PCDHA2: variants seen among roughly 807,000 people sequenced by gnomAD.
PCDHA2 encodes the protein protocadherin alpha-2.
PCDHA2 carries 58 observed loss-of-function variants against 66.0 expected under a neutral mutation model. That is an observed-to-expected ratio of 0.88 (90% CI 0.71 to 1.09). PCDHA2 has a LOEUF of 1.09. Among genes scored for constraint, PCDHA2 ranks in the 50% least tolerant of loss-of-function variants. PCDHA2 has a pLI of 0.00. For missense variants in PCDHA2, 1,267 were observed against 1,242.3 expected (o/e 1.02, Z -0.30); for synonymous variants, 634 against 554.0 (o/e 1.14, Z -2.03).
intron 3 of PCDHA2, among the ~76,000 whole-genome samples, chr5:140,992,354 A>C (rs996986066): frequency 1.3e-5 from 2 of 152,184 alleles, no homozygotes; most frequent in Non-Finnish European, 2.9e-5. Context: ...TGGAGAGAGG[A>C]GAAAAATGGT....
intron 1 of PCDHA2, chr5:140,856,276 A>C (rs1554148470): frequency 6.3e-7 from 1 of 1,598,372 alleles, no homozygotes; most frequent in Admixed American, 1.7e-5. Context: ...TTCTGGAGGT[A>C]AATCTGCAGA....
At chr5:140,936,043 C>A (rs1246569956) in intron 1 of PCDHA2, among the ~76,000 whole-genome samples, 1 of 152,038 alleles carries the variant, frequency 6.6e-6, no homozygotes, top group Non-Finnish European at 1.5e-5. Context: ...CAGGCACCCA[C>A]CACCACACCC....
chr5:140,803,060 G>T, intron 1 of PCDHA2: 21 of 1,613,978 alleles, frequency 1.3e-5, no homozygotes, highest in Non-Finnish European at 1.8e-5. Context: ...CGCGCATCCC[G>T]TTTCGCGTGG....
intron 3 of PCDHA2, among the ~76,000 whole-genome samples, chr5:141,005,079 T>TTAGTACTTTACA (rs1375552328): frequency 3.3e-5 from 5 of 152,356 alleles, no homozygotes; most frequent in Non-Finnish European, 7.3e-5. Flanking sequence ...AGGATCAAGC[T>TTAGTACTTTACA]TAGTACTTTA....
intron 1 of PCDHA2, chr5:140,834,773 T>G (rs1773277984): frequency 1.9e-6 from 3 of 1,613,730 alleles, no homozygotes; most frequent in African/African-American, 1.3e-5. Flanking sequence ...ACGACAACCC[T>G]CCGGTGTTCC....
At chr5:140,801,060 A>C in intron 1 of PCDHA2, 2 of 1,452,866 alleles carry the variant, frequency 1.4e-6, no homozygotes. Flanking sequence ...AGCGTGCATT[A>C]CGTATTCAGA....
chr5:140,875,261 G>A lies in PCDHA2; in HGVS notation c.2388+77909G>A. ...CTTACATAATCAGTCACATGATGTC[G>A]CTCTACACTCAGAAGGTGAAACAGG... On this transcript the variant is annotated intron_variant, in intron 1 of 3. Transcript: ENST00000526136. 4.4e-6 allele frequency: 5 copies of A among 1,130,464 alleles called. No individual in the cohort carries two copies. In the South Asian group the frequency reaches 7.4e-5, roughly 17 times the overall value. 70.0% of individuals were successfully genotyped at this position (1,130,464 alleles called of 1,614,324 possible).
intron 1 of PCDHA2, chr5:140,867,337 G>A (rs1299796408): frequency 6.6e-6 from 1 of 152,004 alleles, no homozygotes; most frequent in African/African-American, 2.4e-5. Flanking sequence ...GTTTTGATTA[G>A]AGGCTACTAT....
chr5:140,848,614 A>G (rs2150414883), intron 1 of PCDHA2: 3 of 1,593,564 alleles, frequency 1.9e-6, no homozygotes, highest in African/African-American at 1.3e-5. Flanking sequence ...GAGGAAGCCG[A>G]ACACGGCACC....
chr5:140,897,716 G>A (rs1554187531), intron 1 of PCDHA2, among the ~76,000 whole-genome samples: 1 of 152,144 alleles, frequency 6.6e-6, no homozygotes, highest in African/African-American at 2.4e-5. Context: ...TAATGGGATG[G>A]CTGGGTCAAA....
intron 3 of PCDHA2, among the ~76,000 whole-genome samples, chr5:140,990,137 G>C (rs548002411): frequency 2.0e-4 from 31 of 152,224 alleles, no homozygotes; most frequent in African/African-American, 7.2e-4. Context: ...TCAGACTCAA[G>C]AGGCATAATA....
chr5:140,995,265 G>A (rs1293855932), intron 3 of PCDHA2, among the ~76,000 whole-genome samples: 1 of 152,102 alleles, frequency 6.6e-6, no homozygotes, highest in African/African-American at 2.4e-5. Context: ...TTGAATACAA[G>A]CCCTTTGATA....
intron 1 of PCDHA2, among the ~76,000 whole-genome samples, chr5:140,942,008 T>C (rs155814): frequency 0.3 from 44,965 of 152,110 alleles, 7,230 homozygotes; most frequent in East Asian, 0.53. Flanking sequence ...CTCTTATTAT[T>C]AATTTTGGGA....
intron 1 of PCDHA2, among the ~76,000 whole-genome samples, chr5:140,940,028 G>C (rs782276273): frequency 3.2e-4 from 48 of 152,048 alleles, no homozygotes; most frequent in Non-Finnish European, 5.4e-4. Context: ...ATGTTTTAAG[G>C]CTATTTTATT....
intron 1 of PCDHA2, chr5:140,848,600 C>CTA (rs2040492511): frequency 6.3e-7 from 1 of 1,593,634 alleles, no homozygotes; most frequent in Non-Finnish European, 8.6e-7. Flanking sequence ...ACTACTCCGT[C>CTA]CCGGAGGAAG....
chr5:140,831,512 C>T (rs1771575949), intron 1 of PCDHA2, among the ~76,000 whole-genome samples: 1 of 137,596 alleles, frequency 7.3e-6, no homozygotes, highest in African/African-American at 2.9e-5. Flanking sequence ...CACCACCATG[C>T]CCCCCACCTT....
intron 3 of PCDHA2, among the ~76,000 whole-genome samples, chr5:140,989,687 G>A (rs956131200): frequency 2.0e-4 from 31 of 152,176 alleles, no homozygotes; most frequent in African/African-American, 6.3e-4. Flanking sequence ...TCAAAGGAAC[G>A]TGAAAATTTT....
intron 1 of PCDHA2, among the ~76,000 whole-genome samples, chr5:140,921,856 G>A (rs2080440097): frequency 6.6e-6 from 1 of 151,824 alleles, no homozygotes; most frequent in Non-Finnish European, 1.5e-5. Flanking sequence ...AGATGTGTGT[G>A]TATATATACA....
chr5:140,968,761 T>C (rs782432205), intron 1 of PCDHA2: 1 of 1,614,140 alleles, frequency 6.2e-7, no homozygotes, highest in South Asian at 1.1e-5. Flanking sequence ...TCCGAGATAA[T>C]GGAGAGCCAT....
Sources: gnomAD v4.1 joint callset for allele counts (sites outside exome capture counted in the v4.1 genomes callset) on GRCh38, gnomAD v4.1.1 for gene constraint, MANE v1.5 for transcripts, NCBI Gene and HGNC (gene_info 2026-07-23, HGNC 2026-07-21) for gene names.